Variants in RTRAF observed in about 807,000 individuals in gnomAD.
RTRAF encodes RNA transcription, translation and transport factor, also known as tRNA-splicing ligase complex subunit RTRAF.
RTRAF carries 14 observed loss-of-function variants against 34.4 expected under a neutral mutation model. That is an observed-to-expected ratio of 0.41 (90% CI 0.27 to 0.64). The LOEUF (loss-of-function observed/expected upper bound fraction) is 0.64, where lower values mean the gene tolerates loss of function less well. Ranked by LOEUF, RTRAF falls within the 30% of genes least tolerant of loss-of-function variation. The probability of loss-of-function intolerance (pLI) is 0.34; values close to 1 mark genes in which losing one functional copy is unlikely to be tolerated. For synonymous variants in RTRAF, 96 were observed against 95.3 expected (o/e 1.01, Z -0.04); for missense variants, 291 against 288.4 (o/e 1.01, Z -0.06).
In RTRAF at chr14:52,009,556, G is replaced by A. The variant is rs1220403131; in HGVS notation, c.*5040G>A. The A allele has an allele frequency of 6.6e-6, 1 of 152,154 alleles. No homozygotes were observed. The highest frequency in any genetic ancestry group is 6.5e-5 in the Admixed American group (1 of 15,272). The allele number at this position is 152,154 out of a possible 1,614,324, so 9.4% of individuals were successfully genotyped here. On this transcript the variant is annotated 3_prime_UTR_variant, in exon 8 of 8. Transcript: ENST00000261700. ...GCATTTATATTTGCTGTCTGGATAA[G>A]AAAGTTCTACTTTCATATTTAAACT...
rs73284353 is a variant in RTRAF, at chr14:52,008,376, A to T, written c.*3860A>T. Reference sequence around the variant, plus strand: ...CTTCCCCGAGCTGAGCCTTGTGATCACTGCAGTTTGGCCATTACCTGATTG... The same window carrying T: ...CTTCCCCGAGCTGAGCCTTGTGATCTCTGCAGTTTGGCCATTACCTGATTG... On this transcript the variant is annotated 3_prime_UTR_variant, in exon 8 of 8. Coordinates refer to ENST00000261700, the MANE Select transcript of RTRAF (RefSeq NM_016039.3). 5.9e-3 allele frequency: 928 copies of T among 156,428 alleles called. 7 individuals are homozygous for T. Among genetic ancestry groups the T allele is most frequent in the African/African-American group, 0.021 (891 of 41,624 alleles). The allele number at this position is 156,428 out of a possible 1,614,324, so 9.7% of individuals were successfully genotyped here. A position where few individuals can be genotyped will look rare whatever the true frequency, so the allele number is the denominator to read the frequency against.
chr14:52,008,000 A>G lies in RTRAF; in HGVS notation c.*3484A>G. On this transcript the variant is annotated 3_prime_UTR_variant, in exon 8 of 8. Coordinates refer to ENST00000261700, the MANE Select transcript of RTRAF (RefSeq NM_016039.3). ...TTAAAAATCAAGATTGTAAAAGAATAGCCATGTAGCCTGTGGTAGGCAGCA... is the reference window on the plus strand; with the variant it reads ...TTAAAAATCAAGATTGTAAAAGAATGGCCATGTAGCCTGTGGTAGGCAGCA... 1 of 1,571,866 alleles carries G rather than the reference A, an allele frequency of 6.4e-7. No homozygotes were observed. Among genetic ancestry groups the G allele is most frequent in the Non-Finnish European group, 8.6e-7 (1 of 1,157,122 alleles).
At position 51,996,567 on chromosome 14, in the gene RTRAF, CA is replaced by C. The variant is rs780344284; in HGVS notation, c.287-1924del. ...AAGATTTTCATATACCTCAAGTCTA[CA>C]AATGTAGCGTGTTACCTCATTTGCT... On this transcript the variant is annotated intron_variant, in intron 3 of 7. Coordinates refer to ENST00000261700, the MANE Select transcript of RTRAF (RefSeq NM_016039.3). Among the ~76,000 whole-genome samples, 17 of 152,016 alleles carry C rather than the reference CA, an allele frequency of 1.1e-4. 1 individual carries two copies. Among genetic ancestry groups the C allele is most frequent in the Non-Finnish European group, 1.3e-4 (9 of 67,916 alleles).
At position 52,001,882 on chromosome 14, in the gene RTRAF, T is replaced by G; in HGVS notation, c.531+16T>G. 1 of 1,598,924 alleles carries G rather than the reference T, an allele frequency of 6.3e-7. No individual in the cohort carries two copies. Among genetic ancestry groups the G allele is most frequent in the Non-Finnish European group, 8.5e-7 (1 of 1,172,036 alleles). On this transcript the variant is annotated intron_variant, in intron 6 of 7. Coordinates refer to ENST00000261700, the MANE Select transcript of RTRAF (RefSeq NM_016039.3). ...AACAAAAGAGGTACGTTTCTATAAA[T>G]CCTAAATAAGTTGTTAATGAACATT...
chr14:52,008,343 G>A lies in RTRAF; in HGVS notation c.*3827G>A, dbSNP rs1215829961. 6.1e-6 allele frequency: 1 copy of A among 164,552 alleles called. No homozygotes were observed. Among genetic ancestry groups the A allele is most frequent in the Non-Finnish European group, 1.3e-5 (1 of 76,204 alleles). The allele number at this position is 164,552 out of a possible 1,614,324, so 10.2% of individuals were successfully genotyped here. Reference sequence around the variant, plus strand: ...CCTGTAGCCCATGTGAGCATGCTTGGGCTGTGTCTTCCCCGAGCTGAGCCT... The same window carrying A: ...CCTGTAGCCCATGTGAGCATGCTTGAGCTGTGTCTTCCCCGAGCTGAGCCT... On this transcript the variant is annotated 3_prime_UTR_variant, in exon 8 of 8. Coordinates refer to ENST00000261700, the MANE Select transcript of RTRAF (RefSeq NM_016039.3).
rs1170345470 is a variant in RTRAF at position 52,008,363 on chromosome 14, G to A, written c.*3847G>A. 6.3e-6 allele frequency: 1 copy of A among 158,708 alleles called. No individual in the cohort carries two copies. Among genetic ancestry groups the A allele is most frequent in the Non-Finnish European group, 1.4e-5 (1 of 72,418 alleles). 9.8% of individuals were successfully genotyped at this position (158,708 alleles called of 1,614,324 possible). A position where few individuals can be genotyped will look rare whatever the true frequency, so the allele number is the denominator to read the frequency against. On this transcript the variant is annotated 3_prime_UTR_variant, in exon 8 of 8. Coordinates refer to ENST00000261700, the MANE Select transcript of RTRAF (RefSeq NM_016039.3). ...GCTTGGGCTGTGTCTTCCCCGAGCT[G>A]AGCCTTGTGATCACTGCAGTTTGGC...
At position 51,992,927 on chromosome 14, in the gene RTRAF, G is replaced by C. The variant is rs147267061; in HGVS notation, c.187-796G>C. Among the ~76,000 whole-genome samples, 87 of 152,262 alleles carry C rather than the reference G, an allele frequency of 5.7e-4. No homozygotes were observed. In the East Asian group the frequency reaches 0.016, roughly 29 times the overall value. ...TGTGTGTAATCTCAGCTGCCCAGGG[G>C]GCTGAGCCAGGAGAATCATTTGAAC... On this transcript the variant is annotated intron_variant, in intron 2 of 7. Coordinates refer to ENST00000261700, the MANE Select transcript of RTRAF (RefSeq NM_016039.3).
In RTRAF at chr14:52,000,908, A is replaced by G. The variant is rs557820150; in HGVS notation, c.463-890A>G. On this transcript the variant is annotated intron_variant, in intron 5 of 7. Transcript: ENST00000261700. ...TAGACTTCAAAACCCAAGGGGATAA[A>G]GTATAAATCAACTACAACAAAATGC... is the stretch of plus-strand genomic sequence containing the variant. Among the ~76,000 whole-genome samples the G allele has an allele frequency of 3.2e-4, 49 of 152,340 alleles. 1 individual carries two copies. Among genetic ancestry groups the G allele is most frequent in the Non-Finnish European group, 2.6e-4 (18 of 68,022 alleles).
At chr14:51,991,475 G>T (rs1188245329) in intron 2 of RTRAF, 34 bp downstream of exon 2, 1 of 1,575,414 alleles carries the variant, frequency 6.3e-7, no homozygotes. Flanking sequence ...AAAATACAGA[G>T]AGTTTGTCTG....
Position 52,008,920 on chromosome 14 carries a change from T to C in RTRAF, c.*4404T>C, listed in dbSNP as rs1432026462. On this transcript the variant is annotated 3_prime_UTR_variant, in exon 8 of 8. Transcript: ENST00000261700. ...TAAATGCCACGTTAAAAATGAAATA[T>C]ATTCATAACAGATACTAACGAGGAA... is the stretch of plus-strand genomic sequence containing the variant. The C allele has an allele frequency of 1.3e-5, 2 of 152,154 alleles. No individual in the cohort carries two copies. Among genetic ancestry groups the C allele is most frequent in the African/African-American group, 4.8e-5 (2 of 41,446 alleles). The allele number at this position is 152,154 out of a possible 1,614,324, so 9.4% of individuals were successfully genotyped here.
At chr14:52,000,060 A>G (rs1174099131) in intron 5 of RTRAF, among the ~76,000 whole-genome samples, 3 of 152,104 alleles carry the variant, frequency 2.0e-5, no homozygotes, top group East Asian at 3.8e-4. Flanking sequence ...TTAAAAATAT[A>G]TATCATATGA....
In RTRAF at chr14:52,005,022, A is replaced by G. The variant is rs1415674286; in HGVS notation, c.*506A>G. 1.9e-5 allele frequency: 3 copies of G among 157,556 alleles called. No homozygotes were observed. Among genetic ancestry groups the G allele is most frequent in the Non-Finnish European group, 2.8e-5 (2 of 71,662 alleles). The allele number at this position is 157,556 out of a possible 1,614,324, so 9.8% of individuals were successfully genotyped here. On this transcript the variant is annotated 3_prime_UTR_variant, in exon 8 of 8. Transcript: ENST00000261700. ...ATCTTAGAACTTTTGTTGGGAAACT[A>G]TAAATAATTGGTCCTTTCCCATCAG...
Position 52,007,991 on chromosome 14 carries a change from T to C in RTRAF, c.*3475T>C, listed in dbSNP as rs755053715. Reference sequence around the variant, plus strand: ...TGCTGTAAGTTAAAAATCAAGATTGTAAAAGAATAGCCATGTAGCCTGTGG... The same window carrying C: ...TGCTGTAAGTTAAAAATCAAGATTGCAAAAGAATAGCCATGTAGCCTGTGG... On this transcript the variant is annotated 3_prime_UTR_variant, in exon 8 of 8. Transcript: ENST00000261700. 1 of 1,587,792 alleles carries C rather than the reference T, an allele frequency of 6.3e-7. No homozygotes were observed. The highest frequency in any genetic ancestry group is 2.2e-5 in the East Asian group (1 of 44,662).
In RTRAF at chr14:52,005,777, G is replaced by T; in HGVS notation, c.*1261G>T. 6.2e-7 allele frequency: 1 copy of T among 1,613,854 alleles called. No homozygotes were observed. The highest frequency in any genetic ancestry group is 8.5e-7 in the Non-Finnish European group (1 of 1,179,786). On this transcript the variant is annotated 3_prime_UTR_variant, in exon 8 of 8. Coordinates refer to ENST00000261700, the MANE Select transcript of RTRAF (RefSeq NM_016039.3). ...GGTAGACTGCAGTTATCCCGTAGAG[G>T]TGAGATCGTTGTTCTGGGAGATACT...
chr14:51,993,640 G>A (rs370676853), intron 2 of RTRAF, 83 bp from the exon 3 acceptor site: 3 of 788,230 alleles, frequency 3.8e-6, no homozygotes, highest in African/African-American at 1.8e-5. Context: ...CCAAACTAAG[G>A]TCTCTTTCAA....
chr14:51,996,154 T>C (rs1890518869), intron 3 of RTRAF, among the ~76,000 whole-genome samples: 1 of 152,138 alleles, frequency 6.6e-6, no homozygotes, highest in South Asian at 2.1e-4. Context: ...AAGAAGCTTG[T>C]GTGTGGAATG....
At chr14:52,002,110 T>C (rs1890610495) in intron 6 of RTRAF, among the ~76,000 whole-genome samples, 1 of 152,214 alleles carries the variant, frequency 6.6e-6, no homozygotes. Context: ...AAATAGCTCA[T>C]GCACAGTCCA....
chr14:51,990,593 A>G lies in RTRAF; in HGVS notation c.62-724A>G, dbSNP rs1482188705. On this transcript the variant is annotated intron_variant, in intron 1 of 7. Coordinates refer to ENST00000261700, the MANE Select transcript of RTRAF (RefSeq NM_016039.3). ...GTAGAAGCATATCAAATTATAATCTATTGTTTTTCTACTTTAACAAAAAAG... is the reference window on the plus strand; with the variant it reads ...GTAGAAGCATATCAAATTATAATCTGTTGTTTTTCTACTTTAACAAAAAAG... Among the ~76,000 whole-genome samples the G allele has an allele frequency of 4.6e-5, 7 of 152,276 alleles. No homozygotes were observed. The South Asian group carries it at 6.2e-4, about 14-fold the overall frequency.
chr14:52,002,039 G>A (rs1029067568), intron 6 of RTRAF, 173 bp downstream of exon 6: 4 of 599,664 alleles, frequency 6.7e-6, no homozygotes, highest in East Asian at 6.1e-5. Flanking sequence ...TCAGTGGCTA[G>A]GGGGTCATTT....
Sources: allele counts gnomAD v4.1 joint callset (sites outside exome capture counted in the v4.1 genomes callset), GRCh38; gene constraint gnomAD v4.1.1; transcripts MANE v1.5; gene names NCBI Gene and HGNC (gene_info 2026-07-23, HGNC 2026-07-21).